Variants in SUPT3H observed in about 807,000 individuals in gnomAD.
SUPT3H encodes SPT3 homolog, SAGA and STAGA complex component.
A neutral mutation model predicts 44.3 loss-of-function variants in SUPT3H; 44 were observed. The ratio of observed to expected loss-of-function variants is 0.99; its 90% confidence interval spans 0.78 to 1.28. The LOEUF is 1.28. Among genes scored for constraint, SUPT3H ranks in the 50% most tolerant of loss-of-function variants. The pLI, the probability that SUPT3H is intolerant of heterozygous loss-of-function variation, is 0.00. For synonymous variants in SUPT3H, 124 were observed against 125.6 expected, an observed-to-expected ratio of 0.99 and a Z score of 0.09; for missense variants, 380 against 387.1, an observed-to-expected ratio of 0.98 and a Z score of 0.15.
chr6:44,819,431 G>C (rs1213938582), intron 11 of SUPT3H, among the ~76,000 whole-genome samples: 1 of 151,496 alleles, frequency 6.6e-6, no homozygotes, highest in Non-Finnish European at 1.5e-5. Flanking sequence ...TCACTAAATT[G>C]TGCTGTACAT....
At chr6:45,116,084 G>A (rs1356178356) in intron 2 of SUPT3H, among the ~76,000 whole-genome samples, 1 of 152,160 alleles carries the variant, frequency 6.6e-6, no homozygotes, top group Non-Finnish European at 1.5e-5. Context: ...TGACCGGCAT[G>A]TATCTCTCCT....
chr6:45,159,460 A>G (rs566958585), intron 2 of SUPT3H: 7 of 152,276 alleles, frequency 4.6e-5, no homozygotes, highest in African/African-American at 1.4e-4. Flanking sequence ...GTTTACGGAG[A>G]GACAGGTTGT....
chr6:45,096,840 G>T (rs1225035971), intron 3 of SUPT3H, among the ~76,000 whole-genome samples: 1 of 151,904 alleles, frequency 6.6e-6, no homozygotes, highest in African/African-American at 2.4e-5. Context: ...ATCATAATAA[G>T]TCTTGTCAAA....
At chr6:45,330,315 T>C (rs1056528445) in intron 2 of SUPT3H, among the ~76,000 whole-genome samples, 6 of 151,886 alleles carry the variant, frequency 4.0e-5, no homozygotes, top group African/African-American at 1.4e-4. Flanking sequence ...ATAGCATAAT[T>C]ACAGCTTATA....
chr6:44,820,594 C>T (rs116272649), intron 11 of SUPT3H, among the ~76,000 whole-genome samples: 243 of 152,286 alleles, frequency 1.6e-3, no homozygotes, highest in African/African-American at 5.6e-3. Flanking sequence ...AATACTGACT[C>T]AACACGTATT....
intron 5 of SUPT3H, among the ~76,000 whole-genome samples, chr6:45,004,420 A>G (rs1782423006): frequency 6.6e-6 from 1 of 152,042 alleles, no homozygotes; most frequent in Admixed American, 6.6e-5. Flanking sequence ...GTTACAGAAG[A>G]TTTAAAAAAT....
chr6:45,226,702 T>A (rs1447425846), intron 2 of SUPT3H, among the ~76,000 whole-genome samples: 2 of 152,308 alleles, frequency 1.3e-5, no homozygotes, highest in East Asian at 3.9e-4. Flanking sequence ...CAGCTAATTT[T>A]TATATTTTAG....
In SUPT3H at chr6:44,876,397, G is replaced by A. The variant is rs926432501; in HGVS notation, c.913-46540C>T. ...AAACCATCATTCTCAGTAAACTATC[G>A]CAAGAACAAAAAACCAAACACCGCA... is the stretch of plus-strand genomic sequence containing the variant. On this transcript the variant is annotated intron_variant, in intron 10 of 10. Transcript: ENST00000371459. 6.8e-5 allele frequency among the ~76,000 whole-genome samples: 7 copies of A among 103,036 alleles called. No homozygotes were observed. The East Asian group carries it at 1.5e-3, about 22-fold the overall frequency. The allele number at this position is 103,036 out of a possible 152,430, so 67.6% of individuals were successfully genotyped here.
chr6:44,991,509 TTTTATTTA>T (rs71799934), intron 6 of SUPT3H, among the ~76,000 whole-genome samples: 22 of 150,824 alleles, frequency 1.5e-4, no homozygotes, highest in Non-Finnish European at 2.1e-4. Context: ...CCAAAATTCT[TTTTATTTA>T]TTTATTTATT....
intron 3 of SUPT3H, among the ~76,000 whole-genome samples, chr6:45,057,311 G>T (rs971422158): frequency 1.3e-5 from 2 of 151,896 alleles, no homozygotes; most frequent in African/African-American, 4.8e-5. Context: ...GTTTATATCA[G>T]TCTTTTATCT....
intron 2 of SUPT3H, among the ~76,000 whole-genome samples, chr6:45,160,637 G>A (rs1382925390): frequency 2.0e-5 from 3 of 151,856 alleles, no homozygotes; most frequent in Admixed American, 6.6e-5. Context: ...CATAAAATTT[G>A]TAAATTTAAG....
rs1400664833 is a variant in SUPT3H, at chr6:45,176,217, C to T, written c.102-70211G>A. ...CAGTGGGCGCAGGTCAGTGGGTGCG[C>T]GCACCGTGCGCGAGCCGAAGCAGGG... On this transcript the variant is annotated intron_variant, in intron 2 of 10. Coordinates refer to ENST00000371459, the MANE Select transcript of SUPT3H (RefSeq NM_003599.4). Among the ~76,000 whole-genome samples the T allele has an allele frequency of 2.6e-5, 4 of 151,796 alleles. No individual in the cohort carries two copies. The East Asian group carries it at 7.8e-4, about 30-fold the overall frequency.
At chr6:44,878,513 T>C (rs1195653692) in intron 10 of SUPT3H, among the ~76,000 whole-genome samples, 3 of 152,042 alleles carry the variant, frequency 2.0e-5, no homozygotes, top group Non-Finnish European at 4.4e-5. Flanking sequence ...TTACTGTGTA[T>C]GTGTGTGAAT....
At chr6:45,029,635 C>G (rs1362297877) in intron 3 of SUPT3H, among the ~76,000 whole-genome samples, 1 of 152,002 alleles carries the variant, frequency 6.6e-6, no homozygotes, top group Non-Finnish European at 1.5e-5. Context: ...ACTTTCAACT[C>G]TAAATATATC....
intron 10 of SUPT3H, among the ~76,000 whole-genome samples, chr6:44,888,999 G>A (rs1267250863): frequency 7.1e-6 from 1 of 141,818 alleles, no homozygotes; most frequent in Admixed American, 7.3e-5. Context: ...CAAATCATGA[G>A]TGAACTCCCA....
chr6:45,162,776 T>C (rs1052602838), intron 2 of SUPT3H, among the ~76,000 whole-genome samples: 8 of 152,124 alleles, frequency 5.3e-5, no homozygotes, highest in African/African-American at 1.7e-4. Context: ...TTCATAGTGA[T>C]AGATAATATA....
intron 2 of SUPT3H, among the ~76,000 whole-genome samples, chr6:45,118,856 A>T (rs7742332): frequency 0.17 from 25,454 of 152,120 alleles, 3,228 homozygotes; most frequent in African/African-American, 0.35. Context: ...TCTTTGGCCA[A>T]TGGGATATTA....
At chr6:45,073,298 C>T (rs989023109) in intron 3 of SUPT3H, among the ~76,000 whole-genome samples, 2 of 151,846 alleles carry the variant, frequency 1.3e-5, no homozygotes, top group African/African-American at 4.8e-5. Flanking sequence ...AATCAAAGTG[C>T]CCTAGTATCT....
chr6:45,298,521 CTTT>C (rs1226029261), intron 2 of SUPT3H, among the ~76,000 whole-genome samples: 3 of 144,316 alleles, frequency 2.1e-5, no homozygotes. Flanking sequence ...AATGTTATCT[CTTT>C]TTTTTTTTTT....
Sources: allele counts gnomAD v4.1 joint callset (sites outside exome capture counted in the v4.1 genomes callset), GRCh38; gene constraint gnomAD v4.1.1; transcripts MANE v1.5; gene names NCBI Gene and HGNC (gene_info 2026-07-23, HGNC 2026-07-21).